Variants in PLCB1 observed in about 807,000 individuals in gnomAD.
PLCB1 encodes the protein 1-phosphatidylinositol 4,5-bisphosphate phosphodiesterase beta-1.
Under a neutral mutation model 161.8 loss-of-function variants are expected in PLCB1, and 46 were observed. That is an observed-to-expected ratio of 0.28 (90% CI 0.22 to 0.36). The LOEUF (loss-of-function observed/expected upper bound fraction) is 0.36, where lower values mean the gene tolerates loss of function less well. Ranked by LOEUF, PLCB1 falls within the 10% of genes least tolerant of loss-of-function variation. The pLI is 1.00. For missense variants in PLCB1, 1,016 were observed against 1,472.5 expected (o/e 0.69, Z 5.07); for synonymous variants, 517 against 503.7 (o/e 1.03, Z -0.35).
intron 2 of PLCB1, among the ~76,000 whole-genome samples, chr20:8,296,867 G>A (rs1380047045): frequency 1.3e-5 from 2 of 152,156 alleles, no homozygotes; most frequent in Non-Finnish European, 2.9e-5. Flanking sequence ...TATATATCAT[G>A]AAATGACCAT....
At chr20:8,420,819 G>A (rs1979508089) in intron 3 of PLCB1, among the ~76,000 whole-genome samples, 1 of 152,158 alleles carries the variant, frequency 6.6e-6, no homozygotes, top group Non-Finnish European at 1.5e-5. Flanking sequence ...TGCACTTCAG[G>A]TATTCCAAGT....
intron 23 of PLCB1, among the ~76,000 whole-genome samples, chr20:8,755,005 A>G (rs938158238): frequency 6.6e-5 from 10 of 152,182 alleles, no homozygotes; most frequent in Non-Finnish European, 1.2e-4. Context: ...CATCAGAAGT[A>G]GTCATTTTTC....
At chr20:8,397,696 C>T (rs934913199) in intron 3 of PLCB1, among the ~76,000 whole-genome samples, 4 of 152,142 alleles carry the variant, frequency 2.6e-5, no homozygotes, top group African/African-American at 9.7e-5. Flanking sequence ...CTCAGTCTTT[C>T]TTACACAAAA....
chr20:8,717,795 C>T lies in PLCB1; in HGVS notation c.1460C>T (p.Ser487Phe), dbSNP rs1376374003. 8.7e-6 allele frequency: 14 copies of T among 1,613,918 alleles called. No homozygotes were observed. The highest frequency in any genetic ancestry group is 1.2e-5 in the Non-Finnish European group (14 of 1,179,962). ...AAAAAGAAGCTCTCAGAACAAGCCTCCAACACCTACAGTGACTCCTCCAGC... is the reference window on the plus strand; with the variant it reads ...AAAAAGAAGCTCTCAGAACAAGCCTTCAACACCTACAGTGACTCCTCCAGC... ...SGKKKLSEQA[S>F]NTYSDSSSMF... The change falls in exon 14 of 32, where the codon TCC becomes TTC. Residue 487 changes from serine (S) to phenylalanine (F), a missense_variant. This residue lies in a region of PLCB1 where 109 missense variants were observed against 129.7 expected (regional missense o/e 0.84). Coordinates refer to ENST00000338037, the MANE Select transcript of PLCB1 (RefSeq NM_015192.4).
rs1303531069 is a variant in PLCB1, at chr20:8,788,682, A to G, written c.3238A>G (p.Ile1080Val). 6.2e-7 allele frequency: 1 copy of G among 1,611,934 alleles called. No homozygotes were observed. The highest frequency in any genetic ancestry group is 8.5e-7 in the Non-Finnish European group (1 of 1,178,974). Residue 1080 changes from isoleucine (I) to valine (V), a missense_variant, in exon 29 of 32, where the codon ATA (isoleucine) becomes GTA (valine). Ile to Val is a conservative substitution (Grantham distance 29). Around this residue, in one of 10 missense-constraint regions of PLCB1, gnomAD observed 398 missense variants for 445.4 expected, o/e 0.89. Coordinates refer to ENST00000338037, the MANE Select transcript of PLCB1 (RefSeq NM_015192.4). ...AATGGATAAAAAGAGGCAGGAGAAG[A>G]TAACAGAAGCTAAATCCAAAGACAA... is the stretch of plus-strand genomic sequence containing the variant. ...KKMDKKRQEK[I>V]TEAKSKDKSQ... is the part of the protein sequence containing the mutation.
At chr20:8,755,308 G>A (rs973729196) in intron 23 of PLCB1, among the ~76,000 whole-genome samples, 1 of 152,030 alleles carries the variant, frequency 6.6e-6, no homozygotes, top group Non-Finnish European at 1.5e-5. Flanking sequence ...GTTATTATAG[G>A]TCAATTTTTC....
chr20:8,786,309 T>G (rs555809533), intron 27 of PLCB1, among the ~76,000 whole-genome samples: 6 of 152,286 alleles, frequency 3.9e-5, no homozygotes, highest in African/African-American at 1.4e-4. Flanking sequence ...GCTTGATAAA[T>G]GGCATGACTA....
chr20:8,247,886 A>G (rs1029353424), intron 2 of PLCB1, among the ~76,000 whole-genome samples: 1 of 152,092 alleles, frequency 6.6e-6, no homozygotes, highest in Non-Finnish European at 1.5e-5. Context: ...GTAAGAGCCA[A>G]TGAGATAATC....
intron 14 of PLCB1, among the ~76,000 whole-genome samples, chr20:8,721,571 T>A (rs776450557): frequency 2.0e-5 from 3 of 152,212 alleles, no homozygotes; most frequent in Non-Finnish European, 4.4e-5. Context: ...ATTGGCTACA[T>A]ATGAAGCTGA....
chr20:8,682,284 T>C (rs1990241449), intron 9 of PLCB1, among the ~76,000 whole-genome samples: 1 of 152,088 alleles, frequency 6.6e-6, no homozygotes, highest in Admixed American at 6.6e-5. Context: ...GAGGATCGCT[T>C]GAGTACAGGT....
At chr20:8,629,875 T>TTCTTTCTTTCTC (rs1272803067) in intron 4 of PLCB1, among the ~76,000 whole-genome samples, 1 of 83,464 alleles carries the variant, frequency 1.2e-5, no homozygotes, top group Non-Finnish European at 2.6e-5. Context: ...CTTTCTTTCT[T>TTCTTTCTTTCTC]TCTCTCTCTC....
intron 3 of PLCB1, among the ~76,000 whole-genome samples, chr20:8,542,320 A>G (rs1169121721): frequency 6.6e-6 from 1 of 152,234 alleles, no homozygotes; most frequent in East Asian, 1.9e-4. Context: ...ACATAAAAGC[A>G]GAGGTCAGCT....
intron 1 of PLCB1, among the ~76,000 whole-genome samples, chr20:8,147,391 C>T (rs2051464058): frequency 6.6e-6 from 1 of 152,162 alleles, no homozygotes; most frequent in Non-Finnish European, 1.5e-5. Flanking sequence ...ATTCTACAGT[C>T]AAAGGTCCCA....
At chr20:8,391,698 A>G (rs1987588924) in intron 3 of PLCB1, among the ~76,000 whole-genome samples, 1 of 149,376 alleles carries the variant, frequency 6.7e-6, no homozygotes, top group African/African-American at 2.5e-5. Flanking sequence ...TTACTTCCCT[A>G]TGGGCCTTAA....
chr20:8,501,954 T>C (rs1983440476), intron 3 of PLCB1, among the ~76,000 whole-genome samples: 1 of 146,322 alleles, frequency 6.8e-6, no homozygotes, highest in South Asian at 2.2e-4. Flanking sequence ...TGTTTTATTT[T>C]ATTCTCCAAA....
intron 4 of PLCB1, among the ~76,000 whole-genome samples, chr20:8,630,211 C>T (rs552383330): frequency 3.3e-5 from 5 of 151,578 alleles, no homozygotes; most frequent in African/African-American, 4.8e-5. Flanking sequence ...CTCAGCCTGC[C>T]GAATAGCTGG....
intron 31 of PLCB1, among the ~76,000 whole-genome samples, chr20:8,813,654 A>T (rs953941484): frequency 1.3e-5 from 2 of 151,966 alleles, no homozygotes; most frequent in African/African-American, 4.8e-5. Flanking sequence ...AGATAGTGAG[A>T]CCCTATCTCT....
intron 2 of PLCB1, among the ~76,000 whole-genome samples, chr20:8,220,786 G>C (rs1473176499): frequency 6.6e-6 from 1 of 152,152 alleles, no homozygotes; most frequent in Non-Finnish European, 1.5e-5. Context: ...TTGTTATGGG[G>C]GCCCTAGGAA....
At chr20:8,360,264 G>A (rs1986493428) in intron 2 of PLCB1, among the ~76,000 whole-genome samples, 1 of 152,180 alleles carries the variant, frequency 6.6e-6, no homozygotes, top group Admixed American at 6.5e-5. Flanking sequence ...GAAGCCAAAG[G>A]TAGTCAAAGG....
Sources: allele counts gnomAD v4.1 joint callset (sites outside exome capture counted in the v4.1 genomes callset), GRCh38; gene constraint gnomAD v4.1.1; regional missense constraint gnomAD v4.1.1; transcripts MANE v1.5; gene names NCBI Gene and HGNC (gene_info 2026-07-23, HGNC 2026-07-21).